Variants in CACNA2D1 observed in about 807,000 individuals in gnomAD.
The protein encoded by CACNA2D1 is calcium voltage-gated channel auxiliary subunit alpha2delta 1, also known as voltage-dependent calcium channel subunit alpha-2/delta-1.
A neutral mutation model predicts 171.5 loss-of-function variants in CACNA2D1; 53 were observed. The ratio of observed to expected loss-of-function variants is 0.31; its 90% CI spans 0.25 to 0.39. The LOEUF is 0.39. Among genes scored for constraint, CACNA2D1 ranks in the 10% least tolerant of loss-of-function variants. CACNA2D1 has a pLI of 1.00. For synonymous variants in CACNA2D1, 442 were observed against 443.1 expected (o/e 1.00, Z 0.03); for missense variants, 903 against 1,299.8 (o/e 0.69, Z 4.69).
At chr7:82,160,999 C>T (rs2190264) in intron 4 of CACNA2D1, among the ~76,000 whole-genome samples, 57,304 of 151,708 alleles carry the variant, frequency 0.38, 10,892 homozygotes, top group Middle Eastern at 0.47. Flanking sequence ...TTATGTGACA[C>T]GAGAGCCTTC....
chr7:82,167,161 C>T (rs1795538767), intron 4 of CACNA2D1, among the ~76,000 whole-genome samples: 1 of 151,976 alleles, frequency 6.6e-6, no homozygotes, highest in Non-Finnish European at 1.5e-5. Flanking sequence ...TGCACAGATG[C>T]ACATTGTTAA....
chr7:82,127,842 T>C (rs1194233695), intron 5 of CACNA2D1, among the ~76,000 whole-genome samples: 1 of 152,216 alleles, frequency 6.6e-6, no homozygotes, highest in East Asian at 1.9e-4. Context: ...TAAGGCCATA[T>C]GTGCCTTCTA....
intron 10 of CACNA2D1, among the ~76,000 whole-genome samples, chr7:82,045,664 C>T (rs962498564): frequency 3.9e-5 from 6 of 152,136 alleles, no homozygotes; most frequent in African/African-American, 1.4e-4. Context: ...TTTGTCCCTC[C>T]GTTATTTCAT....
intron 10 of CACNA2D1, among the ~76,000 whole-genome samples, chr7:82,042,695 T>C (rs755657787): frequency 5.9e-5 from 9 of 152,154 alleles, no homozygotes; most frequent in African/African-American, 9.7e-5. Flanking sequence ...TTCTTTCCTT[T>C]GCCCTTCCAC....
At chr7:82,039,369 GGTA>G (rs890426608) in intron 10 of CACNA2D1, among the ~76,000 whole-genome samples, 92 of 152,194 alleles carry the variant, frequency 6.0e-4, no homozygotes, top group African/African-American at 2.2e-3. Flanking sequence ...AATCATGGCA[GGTA>G]GTAGTTTTAT....
At chr7:82,393,179 G>A (rs1825387043) in intron 1 of CACNA2D1, among the ~76,000 whole-genome samples, 2 of 149,438 alleles carry the variant, frequency 1.3e-5, no homozygotes, top group African/African-American at 5.0e-5. Context: ...GGGAGGGAGG[G>A]GCAATAACAC....
Position 82,248,734 on chromosome 7 carries a change from T to C in CACNA2D1, c.295-78125A>G, listed in dbSNP as rs3823918. Among the ~76,000 whole-genome samples the C allele has an allele frequency of 1.5e-3, 235 of 151,788 alleles. 6 individuals carry two copies. The East Asian group carries it at 0.037, about 24-fold the overall frequency. ...GATCAAAATCCTGCTATAGTACCAT[T>C]GGGGAAGAATAGATGGTTCTTTGGA... is the stretch of plus-strand genomic sequence containing the variant. On this transcript the variant is annotated intron_variant, in intron 3 of 38. Transcript: ENST00000356860.
chr7:82,098,909 T>C (rs1812271883), intron 6 of CACNA2D1, among the ~76,000 whole-genome samples: 1 of 152,178 alleles, frequency 6.6e-6, no homozygotes, highest in Admixed American at 6.5e-5. Flanking sequence ...TAAATGACTT[T>C]TCAGTAAGAT....
intron 4 of CACNA2D1, among the ~76,000 whole-genome samples, chr7:82,158,682 T>G (rs1794623414): frequency 6.6e-6 from 1 of 151,864 alleles, no homozygotes; most frequent in South Asian, 2.1e-4. Context: ...ACAATATTAG[T>G]CCTATTTTAT....
rs1406778063 is a variant in CACNA2D1 at position 82,014,334 on chromosome 7, G to A, written c.1222+67C>T. 5.1e-5 allele frequency: 42 copies of A among 822,854 alleles called. 1 individual carries two copies. The South Asian group carries it at 5.7e-4, about 11-fold the overall frequency. The allele number at this position is 822,854 out of a possible 1,614,324, so 51.0% of individuals were successfully genotyped here. On this transcript the variant is annotated intron_variant, in intron 13 of 38. Transcript: ENST00000356860. ...TACAATTTTAGCTTATTTTAAATAA[G>A]TACACCTAATAACAACTACCAAAAT...
intron 5 of CACNA2D1, among the ~76,000 whole-genome samples, chr7:82,121,959 A>G (rs1191018614): frequency 6.6e-6 from 1 of 152,168 alleles, no homozygotes; most frequent in Non-Finnish European, 1.5e-5. Context: ...ATTAACATGA[A>G]AAGTAAATTT....
Position 82,205,534 on chromosome 7 carries a change from A to G in CACNA2D1, c.295-34925T>C, listed in dbSNP as rs528978014. Among the ~76,000 whole-genome samples, 3 of 145,322 alleles carry G rather than the reference A, an allele frequency of 2.1e-5. No individual in the cohort carries two copies. In the South Asian group the frequency reaches 6.6e-4, roughly 32 times the overall value. On this transcript the variant is annotated intron_variant, in intron 3 of 38. Transcript: ENST00000356860. Reference sequence around the variant, plus strand: ...ATTGTTGACAGAGGACACAGATAAAATAAAGAAATTACCTTTTTAAAAAAA... The same window carrying G: ...ATTGTTGACAGAGGACACAGATAAAGTAAAGAAATTACCTTTTTAAAAAAA...
At chr7:82,365,845 A>C (rs1461516416) in intron 1 of CACNA2D1, among the ~76,000 whole-genome samples, 1 of 152,214 alleles carries the variant, frequency 6.6e-6, no homozygotes, top group Non-Finnish European at 1.5e-5. Context: ...ATATTGCACA[A>C]TTTGCATGAC....
rs28695948 is a variant in CACNA2D1, at chr7:81,995,958, T to C, written c.1663-1019A>G. Among the ~76,000 whole-genome samples, 884 of 152,232 alleles carry C rather than the reference T, an allele frequency of 5.8e-3. 12 individuals are homozygous for C. The highest frequency in any genetic ancestry group is 0.02 in the African/African-American group (851 of 41,520). ...AAATGATAAGTAAACAAACTTGGTG[T>C]GATTAAAGGAATAATTTGAATTTGA... On this transcript the variant is annotated intron_variant, in intron 19 of 38. Coordinates refer to ENST00000356860, the MANE Select transcript of CACNA2D1 (RefSeq NM_000722.4).
intron 5 of CACNA2D1, among the ~76,000 whole-genome samples, chr7:82,128,237 G>A (rs1790565895): frequency 6.6e-6 from 1 of 151,954 alleles, no homozygotes; most frequent in Admixed American, 6.6e-5. Context: ...GCCGCTACCT[G>A]TGTTTTTAAG....
At chr7:82,345,718 T>TGTGTGTG (rs1819172742) in intron 2 of CACNA2D1, among the ~76,000 whole-genome samples, 1 of 91,738 alleles carries the variant, frequency 1.1e-5, no homozygotes, top group Non-Finnish European at 2.3e-5. Context: ...GTGTGTGTGT[T>TGTGTGTG]TAGAAATATA....
chr7:82,041,287 C>T (rs185738130), intron 10 of CACNA2D1, among the ~76,000 whole-genome samples: 5 of 152,106 alleles, frequency 3.3e-5, no homozygotes, highest in Admixed American at 1.3e-4. Flanking sequence ...AAATAAAGCT[C>T]GTCGAAAGGT....
intron 6 of CACNA2D1, among the ~76,000 whole-genome samples, chr7:82,111,392 A>ATG (rs1356772411): frequency 7.8e-5 from 10 of 129,024 alleles, no homozygotes; most frequent in African/African-American, 2.9e-4. Context: ...ATGTGTATAT[A>ATG]TGTATATATA....
At chr7:82,079,952 T>A (rs1227623851) in intron 7 of CACNA2D1, among the ~76,000 whole-genome samples, 1 of 151,976 alleles carries the variant, frequency 6.6e-6, no homozygotes. Context: ...CTACAATATG[T>A]GTGTGTATGT....
Sources: allele counts gnomAD v4.1 joint callset (sites outside exome capture counted in the v4.1 genomes callset), GRCh38; gene constraint gnomAD v4.1.1; transcripts MANE v1.5; gene names NCBI Gene and HGNC (gene_info 2026-07-23, HGNC 2026-07-21).